The following UBR4 variants were observed in gnomAD, a reference collection of about 807,000 sequenced individuals.
The protein encoded by UBR4 is ubiquitin protein ligase E3 component n-recognin 4, also known as E3 ubiquitin-protein ligase UBR4.
In UBR4, 124 loss-of-function variants were observed where a neutral mutation model predicts 575.6. The ratio of observed to expected loss-of-function variants is 0.22; its 90% CI spans 0.19 to 0.25. The LOEUF (loss-of-function observed/expected upper bound fraction) is 0.25, where lower values mean the gene tolerates loss of function less well. Ranked by LOEUF, UBR4 falls within the 10% of genes least tolerant of loss-of-function variation. UBR4 has a pLI of 1.00. For synonymous variants in UBR4, 2,455 were observed against 2,473.7 expected, an observed-to-expected ratio of 0.99 and a Z score of 0.22; for missense variants, 4,818 against 6,478.8, an observed-to-expected ratio of 0.74 and a Z score of 8.80.
At position 19,104,204 on chromosome 1, in the gene UBR4, G is replaced by A. The variant is rs868605826; in HGVS notation, c.12781C>T (p.Arg4261Cys). Residue 4261 changes from arginine (R) to cysteine (C), a missense_variant, in exon 87 of 106, where the codon CGC becomes TGC. Physicochemically the swap from Arg to Cys is radical, Grantham distance 180 (BLOSUM62 -3). This residue lies in a region of UBR4 where 105 missense variants were observed against 232.8 expected (regional missense o/e 0.45). Coordinates refer to ENST00000375254, the MANE Select transcript of UBR4 (RefSeq NM_020765.3). ...VESIKRHFKS[R>C]LVGTVLNGYL... is the part of the protein sequence containing the mutation. ...CCATTCAGCACAGTACCCACCAAGCGACTTTTAAAATGTCTTTTGATGGAT... is the reference window on the plus strand; with the variant it reads ...CCATTCAGCACAGTACCCACCAAGCAACTTTTAAAATGTCTTTTGATGGAT... The A allele has an allele frequency of 3.7e-6, 6 of 1,614,086 alleles. No individual in the cohort carries two copies. The East Asian group carries it at 6.7e-5, about 18-fold the overall frequency.
chr1:19,196,674 C>T (rs61766806), intron 8 of UBR4, among the ~76,000 whole-genome samples: 14,653 of 152,238 alleles, frequency 0.096, 781 homozygotes, highest in Non-Finnish European at 0.12. Context: ...ACCTGTTCCA[C>T]GAAGCCTTCT....
At position 19,199,935 on chromosome 1, in the gene UBR4, CA is replaced by C. The variant is rs1366789789; in HGVS notation, c.275-182del. On this transcript the variant is annotated intron_variant, in intron 2 of 105. Coordinates refer to ENST00000375254, the MANE Select transcript of UBR4 (RefSeq NM_020765.3). Reference sequence around the variant, plus strand: ...CAATAACTACCAGATCAATTTATCTCATATTTACTAGAAATCAGGATAACTA... The same window carrying C: ...CAATAACTACCAGATCAATTTATCTCTATTTACTAGAAATCAGGATAACTA... Among the ~76,000 whole-genome samples, 23 of 152,328 alleles carry C rather than the reference CA, an allele frequency of 1.5e-4. No homozygotes were observed. In the East Asian group the frequency reaches 3.1e-3, roughly 20 times the overall value.
chr1:19,196,593 C>A (rs1220265598), intron 8 of UBR4, among the ~76,000 whole-genome samples: 1 of 152,000 alleles, frequency 6.6e-6, no homozygotes, highest in Non-Finnish European at 1.5e-5. Context: ...GTAAGATCAA[C>A]AGGAAAAAAG....
intron 60 of UBR4, 89 bp from the exon 61 acceptor site, chr1:19,129,163 A>C: frequency 9.2e-7 from 1 of 1,082,484 alleles, no homozygotes; most frequent in Non-Finnish European, 1.4e-6. Flanking sequence ...CCACCCTGCT[A>C]CCAAGGTCAA....
intron 71 of UBR4, chr1:19,118,229 G>C (rs2080768319): frequency 4.5e-6 from 1 of 223,238 alleles, no homozygotes; most frequent in Non-Finnish European, 8.8e-6. Context: ...ATTTAAAATA[G>C]GTTAATACAT....
In UBR4 at chr1:19,141,707, A is replaced by C. The variant is rs145780544; in HGVS notation, c.8250T>G (p.Gly2750=). Residue 2750 remains glycine, a synonymous_variant, in exon 56 of 106, where the codon GGT becomes GGG. Transcript: ENST00000375254. ...GTTCCTGGCTTTCCTGACGGATGTGACCACCATTCGGGATCCCTGATGACT... is the reference window on the plus strand; with the variant it reads ...GTTCCTGGCTTTCCTGACGGATGTGCCCACCATTCGGGATCCCTGATGACT... The part of the protein sequence containing the change: ...KMQSSGIPNG[G]HIRQESQEQS... 8.0e-4 allele frequency: 1,292 copies of C among 1,614,136 alleles called. 2 individuals are homozygous for C. Among genetic ancestry groups the C allele is most frequent in the Non-Finnish European group, 1.0e-3 (1,192 of 1,180,028 alleles).
intron 28 of UBR4, 129 bp from the exon 29 acceptor site, chr1:19,167,360 G>C: frequency 1.2e-6 from 1 of 854,442 alleles, no homozygotes; most frequent in South Asian, 1.6e-5. Flanking sequence ...CTTTATTCCA[G>C]TCTTTTTCCC....
intron 55 of UBR4, among the ~76,000 whole-genome samples, chr1:19,142,853 G>A (rs1229097668): frequency 6.6e-6 from 1 of 152,156 alleles, no homozygotes; most frequent in Non-Finnish European, 1.5e-5. Flanking sequence ...GCCGAGCAGT[G>A]GCTCGCGCCT....
Position 19,076,921 on chromosome 1 carries a change from G to T in UBR4, c.15325-19C>A. On this transcript the variant is annotated intron_variant, in intron 104 of 105. Coordinates refer to ENST00000375254, the MANE Select transcript of UBR4 (RefSeq NM_020765.3). The stretch of plus-strand genomic sequence containing the variant: ...GCACCTTCTACGAGAATCAACAGGA[G>T]ACAAGAGAGGTGGGTGACTTACTGC... The T allele has an allele frequency of 1.3e-6, 2 of 1,530,078 alleles. No individual in the cohort carries two copies. The highest frequency in any genetic ancestry group is 2.6e-5 in the South Asian group (2 of 76,642). 94.8% of individuals were successfully genotyped at this position (1,530,078 alleles called of 1,614,324 possible). A position where few individuals can be genotyped will look rare whatever the true frequency, so the allele number is the denominator to read the frequency against.
At chr1:19,105,608 T>C in intron 84 of UBR4, 125 bp downstream of exon 84, 1 of 725,676 alleles carries the variant, frequency 1.4e-6, no homozygotes, top group Non-Finnish European at 2.2e-6. Context: ...TAACACTTTG[T>C]TGTTTCTGGG....
Position 19,113,517 on chromosome 1 carries a change from G to A in UBR4, c.11457+182C>T, listed in dbSNP as rs180868454. On this transcript the variant is annotated intron_variant, in intron 77 of 105. Transcript: ENST00000375254. ...GCATGAACTCAGCATTCTGACCAGC[G>A]CCATAAATCACGGTGGGGGAGATGC... 1,902 of 831,280 alleles carry A rather than the reference G, an allele frequency of 2.3e-3. 10 individuals carry two copies. The highest frequency in any genetic ancestry group is 2.3e-3 in the Non-Finnish European group (1,222 of 533,684). 51.5% of individuals were successfully genotyped at this position (831,280 alleles called of 1,614,324 possible).
intron 66 of UBR4, 57 bp from the exon 67 acceptor site, chr1:19,122,069 C>T (rs993773801): frequency 6.4e-7 from 1 of 1,558,260 alleles, no homozygotes; most frequent in African/African-American, 1.4e-5. Flanking sequence ...CCCAGACAAG[C>T]ACCACACCTG....
intron 31 of UBR4, 86 bp downstream of exon 31, chr1:19,165,163 T>C (rs1296021029): frequency 2.0e-6 from 3 of 1,485,564 alleles, no homozygotes; most frequent in Non-Finnish European, 1.9e-6. Context: ...ATTTTCATGC[T>C]GTAGTTAAAC....
At chr1:19,107,267 G>C (rs958066558) in intron 81 of UBR4, among the ~76,000 whole-genome samples, 24 of 152,112 alleles carry the variant, frequency 1.6e-4, no homozygotes, top group Non-Finnish European at 8.8e-5. Flanking sequence ...CTGATTTGCA[G>C]TTTCCTAAGC....
At chr1:19,097,423 C>A in intron 90 of UBR4, 143 bp from the exon 91 acceptor site, 1 of 568,948 alleles carries the variant, frequency 1.8e-6, no homozygotes, top group Non-Finnish European at 3.0e-6. Flanking sequence ...ATCTAGAATC[C>A]AAATGCACAG....
At chr1:19,151,964 C>T in intron 47 of UBR4, 105 bp from the exon 48 acceptor site, 1 of 1,102,818 alleles carries the variant, frequency 9.1e-7, no homozygotes, top group Non-Finnish European at 1.3e-6. Context: ...CTCATTAAAA[C>T]TTATCCTTTT....
In UBR4 at chr1:19,081,451, T is replaced by G; in HGVS notation, c.15131A>C (p.His5044Pro). The change falls in exon 103 of 106, where the codon CAC (histidine) becomes CCC (proline). Residue 5044 changes from histidine to proline, a missense_variant. Transcript: ENST00000375254. ...GPYYFTVLAL[H>P]ILPPEQWRAT... ...TCTCCACTGCTCAGGGGGCAGGATG[T>G]GAAGGGCCAAGACTGTGAAATAGTA... 4 of 1,614,010 alleles carry G rather than the reference T, an allele frequency of 2.5e-6. No homozygotes were observed. The highest frequency in any genetic ancestry group is 3.4e-6 in the Non-Finnish European group (4 of 1,180,014).
At chr1:19,098,232 A>G (rs1284467728) in intron 90 of UBR4, among the ~76,000 whole-genome samples, 4 of 152,310 alleles carry the variant, frequency 2.6e-5, no homozygotes, top group African/African-American at 4.8e-5. Flanking sequence ...AGAGAGAACC[A>G]CCACAGACAC....
intron 44 of UBR4, among the ~76,000 whole-genome samples, chr1:19,154,414 T>C (rs2086160189): frequency 6.6e-6 from 1 of 152,220 alleles, no homozygotes; most frequent in South Asian, 2.1e-4. Flanking sequence ...ATAAGCCTCT[T>C]CTTCCTCCTC....
Sources: gnomAD v4.1 joint callset for allele counts (sites outside exome capture counted in the v4.1 genomes callset) on GRCh38, gnomAD v4.1.1 for gene constraint, gnomAD v4.1.1 regional missense constraint, MANE v1.5 for transcripts, NCBI Gene and HGNC (gene_info 2026-07-23, HGNC 2026-07-21) for gene names.